Variants in RBFOX1 observed in about 807,000 individuals in gnomAD.
RBFOX1 encodes RNA binding protein fox-1 homolog 1.
RBFOX1 carries 8 observed loss-of-function variants against 57.7 expected under a neutral mutation model. That is an observed-to-expected ratio of 0.14 (90% CI 0.08 to 0.25). The LOEUF is 0.25. Ranked by LOEUF, RBFOX1 falls within the 10% of genes least tolerant of loss-of-function variation. The pLI is 1.00. For missense variants in RBFOX1, 611 were observed against 548.5 expected (o/e 1.11, Z -1.14); for synonymous variants, 326 against 222.4 (o/e 1.47, Z -4.15).
At chr16:6,576,307 A>T (rs980697717) in intron 2 of RBFOX1, among the ~76,000 whole-genome samples, 4 of 152,212 alleles carry the variant, frequency 2.6e-5, no homozygotes, top group African/African-American at 9.6e-5. Flanking sequence ...CGACGTAGAC[A>T]TGCCATTTCC....
intron 3 of RBFOX1, among the ~76,000 whole-genome samples, chr16:6,772,880 G>C (rs975676365): frequency 4.7e-5 from 7 of 150,036 alleles, no homozygotes. Context: ...GTCTGTGTGG[G>C]CGTGGGGTGC....
At chr16:5,424,791 A>G (rs941032765) in intron 1 of RBFOX1, among the ~76,000 whole-genome samples, 4 of 151,858 alleles carry the variant, frequency 2.6e-5, no homozygotes, top group African/African-American at 9.7e-5. Flanking sequence ...TAGGAAGTCC[A>G]GGCTCATGGT....
At chr16:7,398,209 A>G (rs74012549) in intron 4 of RBFOX1, among the ~76,000 whole-genome samples, 2,240 of 152,322 alleles carry the variant, frequency 0.015, 58 homozygotes, top group African/African-American at 0.051. Context: ...TGCTTAAAGC[A>G]TCAGTATCAT....
chr16:5,309,682 G>A (rs1165196611), intron 1 of RBFOX1, among the ~76,000 whole-genome samples: 2 of 152,088 alleles, frequency 1.3e-5, no homozygotes, highest in Non-Finnish European at 2.9e-5. Context: ...ACCCTTCTGA[G>A]TCTCTGGTTT....
At chr16:6,604,420 T>C (rs2097898554) in intron 2 of RBFOX1, among the ~76,000 whole-genome samples, 1 of 152,298 alleles carries the variant, frequency 6.6e-6, no homozygotes, top group East Asian at 1.9e-4. Context: ...TAAGTGATCT[T>C]CCCATCTCAG....
At chr16:5,763,187 C>T (rs546356957) in intron 3 of RBFOX1, among the ~76,000 whole-genome samples, 2 of 152,270 alleles carry the variant, frequency 1.3e-5, no homozygotes, top group Non-Finnish European at 1.5e-5. Context: ...ATTTGGGCAG[C>T]CTTCCTTCCC....
chr16:6,806,038 G>A (rs186529111), intron 3 of RBFOX1, among the ~76,000 whole-genome samples: 12 of 152,296 alleles, frequency 7.9e-5, no homozygotes, highest in Non-Finnish European at 1.2e-4. Context: ...TTTGCTAGTT[G>A]CAGCTCTATA....
intron 1 of RBFOX1, among the ~76,000 whole-genome samples, chr16:6,284,404 G>A (rs1460873745): frequency 6.6e-6 from 1 of 152,052 alleles, no homozygotes; most frequent in Non-Finnish European, 1.5e-5. Context: ...GTGCTAATGA[G>A]GCCCTCACAT....
intron 4 of RBFOX1, among the ~76,000 whole-genome samples, chr16:7,355,474 C>G (rs945764026): frequency 6.6e-6 from 1 of 152,112 alleles, no homozygotes; most frequent in Non-Finnish European, 1.5e-5. Flanking sequence ...CGAAACCCTC[C>G]CATACTTTTC....
At chr16:6,886,727 C>T (rs1005130326) in intron 3 of RBFOX1, among the ~76,000 whole-genome samples, 3 of 150,160 alleles carry the variant, frequency 2.0e-5, no homozygotes, top group African/African-American at 2.5e-5. Flanking sequence ...CGCACTCCAG[C>T]GTGGGCAAGC....
chr16:6,855,379 C>T (rs569643650), intron 3 of RBFOX1, among the ~76,000 whole-genome samples: 30 of 152,186 alleles, frequency 2.0e-4, no homozygotes, highest in Middle Eastern at 6.8e-3. Flanking sequence ...TGGCCGGGCG[C>T]AGTGGCTCAC....
chr16:6,430,938 A>G (rs563975338), intron 2 of RBFOX1, among the ~76,000 whole-genome samples: 1 of 145,470 alleles, frequency 6.9e-6, no homozygotes, highest in South Asian at 2.3e-4. Flanking sequence ...CGAGACCGGC[A>G]TGGGCAACAT....
intron 1 of RBFOX1, among the ~76,000 whole-genome samples, chr16:6,278,973 A>T (rs898777494): frequency 6.6e-6 from 1 of 151,992 alleles, no homozygotes; most frequent in African/African-American, 2.4e-5. Context: ...TTTGTGTTCT[A>T]TTTTCCATTC....
intron 4 of RBFOX1, among the ~76,000 whole-genome samples, chr16:7,186,293 TATAAACATAAAC>T: frequency 9.5e-6 from 1 of 105,214 alleles, no homozygotes; most frequent in African/African-American, 4.3e-5. Flanking sequence ...TTTATATAAA[TATAAACATAAAC>T]ATATTTATAT....
intron 1 of RBFOX1, among the ~76,000 whole-genome samples, chr16:6,084,402 T>A (rs957362217): frequency 2.0e-5 from 3 of 151,944 alleles, no homozygotes; most frequent in Non-Finnish European, 4.4e-5. Flanking sequence ...AACAAACACG[T>A]CCAGCTATGT....
intron 3 of RBFOX1, chr16:5,867,266 G>T: frequency 8.6e-7 from 1 of 1,162,416 alleles, no homozygotes; most frequent in South Asian, 4.4e-5. Context: ...CCTTCTTGTT[G>T]AATCAATACT....
At chr16:7,418,993 C>T (rs184917847) in intron 4 of RBFOX1, among the ~76,000 whole-genome samples, 6 of 152,238 alleles carry the variant, frequency 3.9e-5, no homozygotes, top group South Asian at 2.1e-4. Flanking sequence ...CACCCTTGAC[C>T]TCCCGGGCTC....
At chr16:7,247,816 C>G (rs1440886778) in intron 4 of RBFOX1, among the ~76,000 whole-genome samples, 1 of 152,124 alleles carries the variant, frequency 6.6e-6, no homozygotes, top group Non-Finnish European at 1.5e-5. Context: ...CATGTTCTCA[C>G]TTATAAGTGG....
chr16:7,081,322 A>G (rs749659852), intron 4 of RBFOX1, among the ~76,000 whole-genome samples: 10 of 152,224 alleles, frequency 6.6e-5, no homozygotes, highest in Non-Finnish European at 1.5e-4. Context: ...GGTGTGAGCC[A>G]CCACGCCCGG....
Sources: gnomAD v4.1 joint callset for allele counts (sites outside exome capture counted in the v4.1 genomes callset) on GRCh38, gnomAD v4.1.1 for gene constraint, MANE v1.5 for transcripts, NCBI Gene and HGNC (gene_info 2026-07-23, HGNC 2026-07-21) for gene names.